Variants in STK38L observed in about 807,000 individuals in gnomAD.
The protein encoded by STK38L is serine/threonine kinase 38 like.
In STK38L, 28 loss-of-function variants were observed where a neutral mutation model predicts 59.7. That is an observed-to-expected ratio of 0.47 (90% CI 0.35 to 0.64). The LOEUF (loss-of-function observed/expected upper bound fraction) is 0.64, where lower values mean the gene tolerates loss of function less well. Ranked by LOEUF, STK38L falls within the 30% of genes least tolerant of loss-of-function variation. The pLI is 0.01. For missense variants in STK38L, 314 were observed against 555.8 expected, an observed-to-expected ratio of 0.56 and a Z score of 4.37; for synonymous variants, 162 against 176.8, an observed-to-expected ratio of 0.92 and a Z score of 0.66.
intron 1 of STK38L, among the ~76,000 whole-genome samples, chr12:27,244,640 C>T (rs1942810643): frequency 6.6e-6 from 1 of 152,168 alleles, no homozygotes; most frequent in Non-Finnish European, 1.5e-5. Context: ...CCCGCCTGGG[C>T]TTCACAAACA....
chr12:27,289,346 T>C (rs1441764435), intron 1 of STK38L, among the ~76,000 whole-genome samples: 1 of 152,176 alleles, frequency 6.6e-6, no homozygotes, highest in African/African-American at 2.4e-5. Context: ...CCCCTTCTCA[T>C]TGCAAGTTTT....
chr12:27,278,400 GC>G (rs1233562161), intron 1 of STK38L, among the ~76,000 whole-genome samples: 12 of 152,074 alleles, frequency 7.9e-5, no homozygotes, highest in African/African-American at 2.7e-4. Context: ...GTCCACCCAG[GC>G]TAATTGTTTA....
At chr12:27,247,458 C>T (rs1942879036) in intron 1 of STK38L, among the ~76,000 whole-genome samples, 2 of 152,110 alleles carry the variant, frequency 1.3e-5, no homozygotes, top group Non-Finnish European at 2.9e-5. Context: ...AGAAAGAGTT[C>T]CAAAATAACA....
intron 1 of STK38L, among the ~76,000 whole-genome samples, chr12:27,257,956 G>A (rs530933405): frequency 4.5e-4 from 69 of 151,774 alleles, no homozygotes; most frequent in African/African-American, 1.5e-3. Flanking sequence ...CTGCCTCCCG[G>A]GTTCAAGTGA....
intron 6 of STK38L, 91 bp from the exon 7 acceptor site, chr12:27,314,413 A>AAAAAAAGT (rs1565554714): frequency 8.5e-7 from 1 of 1,177,974 alleles, no homozygotes; most frequent in Non-Finnish European, 1.1e-6. Context: ...AAAAAAAAAA[A>AAAAAAAGT]AAAAAAGTAA....
chr12:27,255,484 T>C (rs528720138), intron 1 of STK38L, among the ~76,000 whole-genome samples: 6 of 152,366 alleles, frequency 3.9e-5, no homozygotes, highest in Non-Finnish European at 8.8e-5. Flanking sequence ...TCTCAGATTG[T>C]AAGAAATACT....
At chr12:27,301,242 A>T (rs1304253858) in intron 2 of STK38L, among the ~76,000 whole-genome samples, 1 of 152,182 alleles carries the variant, frequency 6.6e-6, no homozygotes, top group Non-Finnish European at 1.5e-5. Flanking sequence ...ATGTTCTGGT[A>T]GCTAGTGGGT....
chr12:27,269,828 A>C (rs145349464), intron 1 of STK38L, among the ~76,000 whole-genome samples: 3 of 151,988 alleles, frequency 2.0e-5, no homozygotes, highest in Admixed American at 2.0e-4. Context: ...TTTTTAGTAG[A>C]GACGTTGTTT....
chr12:27,308,857 A>ATAT lies in STK38L; in HGVS notation c.310-257_310-256insTAT, dbSNP rs373074466. On this transcript the variant is annotated intron_variant, in intron 4 of 13. Transcript: ENST00000389032. This position sits in a 1 kb window ranked among gnomAD's most constrained non-coding sequence, Gnocchi z 4.5. Reference sequence around the variant, plus strand: ...ATATGTGTTTGTATGTATATATAAAAAAATATATATAAATATAAATATATA... The same window carrying ATAT: ...ATATGTGTTTGTATGTATATATAAAATATAAATATATATAAATATAAATATATA... 2.7e-5 allele frequency among the ~76,000 whole-genome samples: 4 copies of ATAT among 145,738 alleles called. No individual in the cohort carries two copies. The highest frequency in any genetic ancestry group is 6.9e-5 in the Admixed American group (1 of 14,486).
At chr12:27,290,776 C>T (rs966407649) in intron 1 of STK38L, among the ~76,000 whole-genome samples, 3 of 152,190 alleles carry the variant, frequency 2.0e-5, no homozygotes, top group African/African-American at 7.2e-5. Flanking sequence ...TGCAGCTCTG[C>T]TCCAGCTGTC....
intron 2 of STK38L, among the ~76,000 whole-genome samples, chr12:27,299,884 T>G (rs1591914649): frequency 6.6e-6 from 1 of 151,762 alleles, no homozygotes; most frequent in East Asian, 1.9e-4. Context: ...TAGCACAAAA[T>G]AAGTTAGAAA....
At chr12:27,306,003 T>C (rs1408792615) in intron 3 of STK38L, among the ~76,000 whole-genome samples, 6 of 152,208 alleles carry the variant, frequency 3.9e-5, no homozygotes, top group African/African-American at 1.4e-4. Context: ...ATGAATTTGA[T>C]TCAGCTACCT....
chr12:27,244,514 C>T (rs1008873851), intron 1 of STK38L, among the ~76,000 whole-genome samples, 182 bp downstream of exon 1: 4 of 152,200 alleles, frequency 2.6e-5, no homozygotes, highest in African/African-American at 7.2e-5. Flanking sequence ...TCTTATTCCC[C>T]GGGGTGATAC....
chr12:27,314,358 A>T, intron 6 of STK38L, 146 bp from the exon 7 acceptor site: 1 of 553,628 alleles, frequency 1.8e-6, no homozygotes, highest in Non-Finnish European at 2.8e-6. Flanking sequence ...CCATGATCAC[A>T]CCACTGCACT....
chr12:27,273,169 C>T (rs563371751), intron 1 of STK38L, among the ~76,000 whole-genome samples: 8 of 151,280 alleles, frequency 5.3e-5, no homozygotes, highest in South Asian at 2.1e-4. Context: ...TAAACAAGGG[C>T]GGAGATTTTC....
chr12:27,325,440 G>A lies in STK38L; in HGVS notation c.*2985G>A, dbSNP rs1277563235. On this transcript the variant is annotated 3_prime_UTR_variant, in exon 14 of 14. Transcript: ENST00000389032. Reference sequence around the variant, plus strand: ...AAAACCTTAGACAATCAATCAGTCAGTCTTTACTGACAGGAGCAGCAGCTA... The same window carrying A: ...AAAACCTTAGACAATCAATCAGTCAATCTTTACTGACAGGAGCAGCAGCTA... 1.3e-5 allele frequency: 2 copies of A among 152,052 alleles called. No homozygotes were observed. Among genetic ancestry groups the A allele is most frequent in the Non-Finnish European group, 2.9e-5 (2 of 67,966 alleles). The allele number at this position is 152,052 out of a possible 1,614,324, so 9.4% of individuals were successfully genotyped here.
At chr12:27,269,048 A>T (rs1020971994) in intron 1 of STK38L, among the ~76,000 whole-genome samples, 1 of 151,982 alleles carries the variant, frequency 6.6e-6, no homozygotes, top group African/African-American at 2.4e-5. Flanking sequence ...GATTGCAAAA[A>T]TTTTTTCCCA....
chr12:27,247,968 G>A (rs935040846), intron 1 of STK38L, among the ~76,000 whole-genome samples: 1 of 151,754 alleles, frequency 6.6e-6, no homozygotes, highest in African/African-American at 2.4e-5. Context: ...GTGTGCACAA[G>A]CACGCCCGAC....
intron 10 of STK38L, 39 bp downstream of exon 10, chr12:27,317,492 T>A (rs1186876294): frequency 7.0e-7 from 1 of 1,432,596 alleles, no homozygotes; most frequent in East Asian, 2.3e-5. Flanking sequence ...AATATATACA[T>A]TTCCTTGAGT....
Sources: allele counts gnomAD v4.1 joint callset (sites outside exome capture counted in the v4.1 genomes callset), GRCh38; gene constraint gnomAD v4.1.1; non-coding constraint Gnocchi (gnomAD v3.1); transcripts MANE v1.5; gene names NCBI Gene and HGNC (gene_info 2026-07-23, HGNC 2026-07-21).